Variants in TENM3 observed in about 807,000 individuals in gnomAD.
TENM3 encodes the protein teneurin transmembrane protein 3, also known as teneurin-3.
TENM3 carries 63 observed loss-of-function variants against 255.1 expected under a neutral mutation model. The observed-to-expected ratio is 0.25, with a 90% CI of 0.20 to 0.30. The LOEUF (loss-of-function observed/expected upper bound fraction) is 0.30, where lower values mean the gene tolerates loss of function less well. Ranked by LOEUF, TENM3 falls within the 10% of genes least tolerant of loss-of-function variation. The probability of loss-of-function intolerance (pLI) is 1.00; values close to 1 mark genes in which losing one functional copy is unlikely to be tolerated. For missense variants in TENM3, 2,929 were observed against 3,461.1 expected (o/e 0.85, Z 3.86); for synonymous variants, 1,306 against 1,322.3 (o/e 0.99, Z 0.27).
chr4:182,126,423 C>T, the TENM3 span, among the ~76,000 whole-genome samples: 1 of 152,150 alleles, frequency 6.6e-6, no homozygotes, highest in Admixed American at 6.5e-5. Flanking sequence ...CTTTGTAACA[C>T]CGAGGAGTCA....
chr4:181,641,492 G>A, the TENM3 span, among the ~76,000 whole-genome samples: 197 of 135,000 alleles, frequency 1.5e-3, no homozygotes, highest in African/African-American at 5.4e-3. Flanking sequence ...CTTTATCCAC[G>A]TCCCTGCAAA....
the TENM3 span, among the ~76,000 whole-genome samples, chr4:181,889,333 G>A: frequency 3.3e-5 from 5 of 152,062 alleles, no homozygotes; most frequent in East Asian, 1.9e-4. Context: ...GTGACATGCC[G>A]GCTCCCCGTT....
At chr4:182,552,980 G>T (rs1384567534) in intron 3 of TENM3, among the ~76,000 whole-genome samples, 1 of 152,188 alleles carries the variant, frequency 6.6e-6, no homozygotes, top group East Asian at 1.9e-4. Context: ...CCAACACTTG[G>T]TTCCGGGACA....
At chr4:182,569,515 C>T (rs1744142591) in intron 3 of TENM3, among the ~76,000 whole-genome samples, 3 of 150,834 alleles carry the variant, frequency 2.0e-5, no homozygotes, top group Non-Finnish European at 4.4e-5. Flanking sequence ...TATTGCGCCA[C>T]TGCACTCCAG....
At chr4:182,371,544 A>G (rs1334575678) in intron 3 of TENM3, among the ~76,000 whole-genome samples, 4 of 152,036 alleles carry the variant, frequency 2.6e-5, no homozygotes, top group Non-Finnish European at 5.9e-5. Context: ...CTTCTTGGTA[A>G]ATTTCTGTGT....
chr4:182,244,039 C>T (rs1402698458), intron 1 of TENM3, among the ~76,000 whole-genome samples: 8 of 149,886 alleles, frequency 5.3e-5, no homozygotes, highest in East Asian at 2.0e-4. Flanking sequence ...CTGCAAGCTC[C>T]GCCTCCCGGG....
At chr4:182,162,172 A>C (rs575921277) in intron 1 of TENM3, among the ~76,000 whole-genome samples, 16 of 151,978 alleles carry the variant, frequency 1.1e-4, no homozygotes, top group Admixed American at 1.0e-3. Flanking sequence ...GCAAGCTACC[A>C]CACCTGGCGA....
intron 3 of TENM3, among the ~76,000 whole-genome samples, chr4:182,469,334 C>T (rs74853644): frequency 0.011 from 1,707 of 152,090 alleles, 36 homozygotes; most frequent in African/African-American, 0.039. Context: ...ATTCATATTT[C>T]ATATATTAAA....
chr4:181,534,163 G>T, the TENM3 span, among the ~76,000 whole-genome samples: 2 of 151,660 alleles, frequency 1.3e-5, no homozygotes, highest in Non-Finnish European at 2.9e-5. Flanking sequence ...AGCCGAGGTG[G>T]GTGGATCACA....
At chr4:181,886,501 T>C in the TENM3 span, among the ~76,000 whole-genome samples, 1 of 152,224 alleles carries the variant, frequency 6.6e-6, no homozygotes, top group Admixed American at 6.5e-5. Flanking sequence ...TAAATAACAT[T>C]TAAATCACAT....
At chr4:181,574,747 A>G in the TENM3 span, among the ~76,000 whole-genome samples, 2 of 152,224 alleles carry the variant, frequency 1.3e-5, no homozygotes, top group African/African-American at 4.8e-5. Flanking sequence ...TAGAAGCCGT[A>G]GGAACTTAGA....
intron 3 of TENM3, among the ~76,000 whole-genome samples, chr4:182,385,572 C>T (rs891406420): frequency 6.6e-6 from 1 of 152,096 alleles, no homozygotes; most frequent in Non-Finnish European, 1.5e-5. Context: ...GCCAGTGCAT[C>T]TTCTAAAGAT....
At chr4:182,392,594 A>G (rs2150987339) in intron 3 of TENM3, among the ~76,000 whole-genome samples, 1 of 152,246 alleles carries the variant, frequency 6.6e-6, no homozygotes, top group Non-Finnish European at 1.5e-5. Flanking sequence ...TGGAGCCCTG[A>G]GTTATTGCCC....
intron 12 of TENM3, among the ~76,000 whole-genome samples, chr4:182,692,533 T>C (rs1159401533): frequency 1.3e-5 from 2 of 152,040 alleles, no homozygotes; most frequent in African/African-American, 4.8e-5. Context: ...CTATGGAGGG[T>C]TGTTGTGAAG....
chr4:182,510,198 G>A (rs1304905745), intron 3 of TENM3, among the ~76,000 whole-genome samples: 1 of 152,108 alleles, frequency 6.6e-6, no homozygotes, highest in African/African-American at 2.4e-5. Flanking sequence ...CTAATAAAAT[G>A]GCCAGATTAA....
At chr4:182,753,855 C>G (rs950962248) in intron 21 of TENM3, among the ~76,000 whole-genome samples, 17 of 152,110 alleles carry the variant, frequency 1.1e-4, no homozygotes, top group Admixed American at 9.2e-4. Context: ...TAATAAAATA[C>G]CAGTAAAGTA....
At chr4:182,748,630 T>C (rs1381182259) in intron 19 of TENM3, among the ~76,000 whole-genome samples, 2 of 152,168 alleles carry the variant, frequency 1.3e-5, no homozygotes, top group Non-Finnish European at 2.9e-5. Context: ...ACTCACTTTT[T>C]TTCCTTTTAG....
chr4:182,043,865 G>T, the TENM3 span, among the ~76,000 whole-genome samples: 3 of 152,102 alleles, frequency 2.0e-5, no homozygotes, highest in Non-Finnish European at 4.4e-5. Context: ...TAGAAAAAGC[G>T]CTCCCTACGA....
intron 3 of TENM3, among the ~76,000 whole-genome samples, chr4:182,349,502 T>C (rs1476448221): frequency 6.6e-6 from 1 of 152,176 alleles, no homozygotes; most frequent in African/African-American, 2.4e-5. Flanking sequence ...TAATTTTGAA[T>C]TGTGGAATTA....
Sources: allele counts gnomAD v4.1 joint callset (sites outside exome capture counted in the v4.1 genomes callset), GRCh38; gene constraint gnomAD v4.1.1; transcripts MANE v1.5; gene names NCBI Gene and HGNC (gene_info 2026-07-23, HGNC 2026-07-21).